Variants in DACH2 observed in about 807,000 individuals in gnomAD.
The protein encoded by DACH2 is dachshund homolog 2.
In DACH2, 17 loss-of-function variants were observed where a neutral mutation model predicts 35.8. The ratio of observed to expected loss-of-function variants is 0.48; its 90% confidence interval spans 0.33 to 0.71. The LOEUF (loss-of-function observed/expected upper bound fraction) is 0.71. Ranked by LOEUF, DACH2 falls within the 30% of genes least tolerant of loss-of-function variation. The pLI, the probability that DACH2 is intolerant of heterozygous loss-of-function variation, is 0.02. For synonymous variants in DACH2, 195 were observed against 177.3 expected (o/e 1.10, Z -0.79); for missense variants, 469 against 472.7 (o/e 0.99, Z 0.07).
At chrX:86,817,939 ATAGT>A (rs778507512) in intron 11 of DACH2, among the ~76,000 whole-genome samples, 24 of 112,221 alleles carry the variant, frequency 2.1e-4, no homozygotes, top group African/African-American at 7.7e-4. Context: ...TAAATATGAG[ATAGT>A]TAGATTCATC....
chrX:86,301,476 A>G (rs1330783607), intron 1 of DACH2, among the ~76,000 whole-genome samples: 2 of 111,929 alleles, frequency 1.8e-5, no homozygotes, highest in African/African-American at 6.5e-5. Context: ...GATAGTCTTA[A>G]CTACCTGTCA....
intron 7 of DACH2, among the ~76,000 whole-genome samples, chrX:86,805,387 G>A (rs763826824): frequency 1.3e-3 from 142 of 112,640 alleles, no homozygotes; most frequent in Non-Finnish European, 2.2e-3. Flanking sequence ...CCTGGCCCAC[G>A]AAATCATGTT....
chrX:86,637,241 A>AAAAAAAAAAAAAAAAAAAAAAAC (rs1569457456), intron 3 of DACH2, among the ~76,000 whole-genome samples: 1 of 77,926 alleles, frequency 1.3e-5, no homozygotes, highest in Non-Finnish European at 2.4e-5. Flanking sequence ...AAAAAAAAAA[A>AAAAAAAAAAAAAAAAAAAAAAAC]AAAAACAGAT....
chrX:86,537,173 G>C (rs1399458379), intron 3 of DACH2, among the ~76,000 whole-genome samples: 1 of 111,713 alleles, frequency 9.0e-6, no homozygotes, highest in African/African-American at 3.3e-5. Context: ...GTACTATCCA[G>C]TGTGTCAAAT....
intron 3 of DACH2, among the ~76,000 whole-genome samples, chrX:86,563,125 T>C (rs2039246535): frequency 1.5e-5 from 1 of 64,641 alleles, no homozygotes; most frequent in Non-Finnish European, 2.8e-5. Context: ...TTTAGGGTAA[T>C]TATCTTTTTT....
chrX:86,359,406 A>G (rs1301559466), intron 1 of DACH2, among the ~76,000 whole-genome samples: 1 of 111,178 alleles, frequency 9.0e-6, no homozygotes, highest in Non-Finnish European at 1.9e-5. Context: ...CGATTTTCTA[A>G]TAGCATTAGA....
Position 86,714,730 on chromosome X carries a change from G to T in DACH2, c.1104+10G>T. On this transcript the variant is annotated intron_variant, in intron 6 of 11. Coordinates refer to ENST00000373125, the MANE Select transcript of DACH2 (RefSeq NM_053281.3). ...TACCTCTGTTATAAAGGTAAGAATC[G>T]TGATTTAGAAAAGGACAAAGGTGTC... 1.7e-6 allele frequency: 2 copies of T among 1,144,125 alleles called. No individual in the cohort carries two copies. Among genetic ancestry groups the T allele is most frequent in the Non-Finnish European group, 2.3e-6 (2 of 853,011 alleles). The allele number at this position is 1,144,125 out of a possible 1,213,427, so 94.3% of individuals were successfully genotyped here.
chrX:86,522,790 T>C (rs1391557490), intron 3 of DACH2, among the ~76,000 whole-genome samples: 4 of 111,909 alleles, frequency 3.6e-5, no homozygotes, highest in Non-Finnish European at 7.5e-5. Flanking sequence ...TTTTCTAGTA[T>C]TTTCTGTAAA....
chrX:86,425,722 G>A (rs766035675), intron 2 of DACH2, among the ~76,000 whole-genome samples: 14 of 110,769 alleles, frequency 1.3e-4, no homozygotes, highest in Admixed American at 3.9e-4. Context: ...TAGGGCAAAA[G>A]GATCAGCTTT....
intron 3 of DACH2, among the ~76,000 whole-genome samples, chrX:86,571,118 T>C (rs1389261318): frequency 1.8e-5 from 2 of 110,992 alleles, no homozygotes; most frequent in African/African-American, 3.3e-5. Context: ...TTATTTTTTG[T>C]CTTATGAGGT....
intron 1 of DACH2, among the ~76,000 whole-genome samples, chrX:86,360,949 C>G (rs949798618): frequency 3.6e-5 from 4 of 110,733 alleles, no homozygotes; most frequent in African/African-American, 1.3e-4. Flanking sequence ...TGCTTATATG[C>G]TTTAATTGTT....
At chrX:86,477,859 C>T (rs190383818) in intron 2 of DACH2, among the ~76,000 whole-genome samples, 8 of 109,868 alleles carry the variant, frequency 7.3e-5, no homozygotes, top group South Asian at 3.9e-4. Flanking sequence ...TTCAGGTAAC[C>T]GTTAGGATTG....
intron 2 of DACH2, among the ~76,000 whole-genome samples, chrX:86,422,902 AT>A (rs1240124399): frequency 9.0e-6 from 1 of 111,267 alleles, no homozygotes; most frequent in African/African-American, 3.3e-5. Flanking sequence ...GACCCTACAA[AT>A]AAGTGAGAAC....
chrX:86,750,613 C>T (rs2041763122), intron 7 of DACH2, among the ~76,000 whole-genome samples: 1 of 110,898 alleles, frequency 9.0e-6, no homozygotes, highest in Admixed American at 9.7e-5. Context: ...TCTACAGCTC[C>T]TGGCGACGAC....
chrX:86,315,103 CTT>C (rs2034872970), intron 1 of DACH2, among the ~76,000 whole-genome samples: 1 of 112,050 alleles, frequency 8.9e-6, no homozygotes, highest in African/African-American at 3.2e-5. Flanking sequence ...CAGGCTGACT[CTT>C]TTGTTAGAGT....
At chrX:86,434,755 G>T (rs180780540) in intron 2 of DACH2, among the ~76,000 whole-genome samples, 1 of 111,526 alleles carries the variant, frequency 9.0e-6, no homozygotes, top group East Asian at 2.8e-4. Context: ...CCAGAGACTG[G>T]GTAATTTTTA....
intron 2 of DACH2, among the ~76,000 whole-genome samples, chrX:86,505,578 CA>C (rs750116786): frequency 9.0e-6 from 1 of 111,201 alleles, no homozygotes; most frequent in African/African-American, 3.3e-5. Context: ...GCATGATGCC[CA>C]AAAGTTTCAT....
At chrX:86,768,990 C>A (rs2041961520) in intron 7 of DACH2, among the ~76,000 whole-genome samples, 1 of 110,923 alleles carries the variant, frequency 9.0e-6, no homozygotes, top group Admixed American at 9.6e-5. Flanking sequence ...TGCTTTATTC[C>A]TGGGATGCAA....
chrX:86,680,728 A>C (rs1306083455), intron 4 of DACH2, among the ~76,000 whole-genome samples: 1 of 102,774 alleles, frequency 9.7e-6, no homozygotes, highest in Non-Finnish European at 2.0e-5. Context: ...ATCATAGCTC[A>C]CTGCAGCCTT....
Sources: allele counts gnomAD v4.1 joint callset (sites outside exome capture counted in the v4.1 genomes callset), GRCh38; gene constraint gnomAD v4.1.1; transcripts MANE v1.5; gene names NCBI Gene and HGNC (gene_info 2026-07-23, HGNC 2026-07-21).